The following LRMDA variants were observed in gnomAD, a reference collection of about 807,000 sequenced individuals.
The protein encoded by LRMDA is leucine rich melanocyte differentiation associated, also known as leucine-rich melanocyte differentiation-associated protein.
In LRMDA, 18 loss-of-function variants were observed where a neutral mutation model predicts 29.8. The observed-to-expected ratio is 0.60, with a 90% confidence interval of 0.42 to 0.90. LRMDA has a LOEUF of 0.90. LRMDA is among the 40% of genes least tolerant of loss of function. LRMDA has a pLI of 0.00. For missense variants in LRMDA, 273 were observed against 273.9 expected (o/e 1.00, Z 0.02); for synonymous variants, 125 against 109.4 (o/e 1.14, Z -0.89).
chr10:75,670,328 G>A (rs911187422), intron 2 of LRMDA, among the ~76,000 whole-genome samples: 8 of 152,160 alleles, frequency 5.3e-5, no homozygotes, highest in African/African-American at 1.9e-4. Context: ...GATGCAGAAC[G>A]GCACAAAGGG....
At chr10:76,520,842 C>A (rs1217950254) in intron 6 of LRMDA, among the ~76,000 whole-genome samples, 2 of 152,000 alleles carry the variant, frequency 1.3e-5, no homozygotes, top group African/African-American at 4.8e-5. Flanking sequence ...TCTTTAAGGC[C>A]AAACTCTAGC....
chr10:76,531,202 C>T (rs10824421), intron 6 of LRMDA, among the ~76,000 whole-genome samples: 2,316 of 152,016 alleles, frequency 0.015, 23 homozygotes, highest in African/African-American at 0.037. Context: ...GAGACCAGCC[C>T]CTGTGCTGAA....
At chr10:75,730,286 G>A (rs1564551646) in intron 2 of LRMDA, among the ~76,000 whole-genome samples, 1 of 152,090 alleles carries the variant, frequency 6.6e-6, no homozygotes, top group Admixed American at 6.5e-5. Flanking sequence ...GCTCTATAGA[G>A]CACTGACTTT....
intron 2 of LRMDA, among the ~76,000 whole-genome samples, chr10:75,947,274 T>C (rs1230817470): frequency 2.0e-5 from 3 of 152,186 alleles, no homozygotes; most frequent in Non-Finnish European, 4.4e-5. Context: ...CTGGCCTTTT[T>C]CTTTGGGTGA....
intron 6 of LRMDA, among the ~76,000 whole-genome samples, chr10:76,443,984 A>T (rs961197149): frequency 6.6e-6 from 1 of 152,140 alleles, no homozygotes; most frequent in African/African-American, 2.4e-5. Flanking sequence ...AGAAAGCCCC[A>T]TGGAAGGCTG....
intron 2 of LRMDA, among the ~76,000 whole-genome samples, chr10:75,603,319 T>A (rs926278727): frequency 2.0e-5 from 3 of 152,182 alleles, no homozygotes; most frequent in Admixed American, 6.5e-5. Context: ...AGGTACTTTT[T>A]AAAATAGTTC....
intron 5 of LRMDA, among the ~76,000 whole-genome samples, chr10:76,181,736 G>A (rs1851053813): frequency 6.6e-6 from 1 of 152,164 alleles, no homozygotes; most frequent in African/African-American, 2.4e-5. Flanking sequence ...CAGATAACAG[G>A]AGAATGAGAA....
intron 2 of LRMDA, among the ~76,000 whole-genome samples, chr10:75,704,218 T>C (rs1413096573): frequency 6.6e-6 from 1 of 152,216 alleles, no homozygotes; most frequent in Non-Finnish European, 1.5e-5. Context: ...ATCATTTTCT[T>C]AGTGGGATTC....
At chr10:75,570,623 G>T (rs1447843664) in intron 2 of LRMDA, among the ~76,000 whole-genome samples, 1 of 152,178 alleles carries the variant, frequency 6.6e-6, no homozygotes, top group East Asian at 1.9e-4. Context: ...TTTAACAGTG[G>T]GGTTTTTAGT....
At chr10:76,473,614 C>A (rs1842639569) in intron 6 of LRMDA, among the ~76,000 whole-genome samples, 1 of 84,086 alleles carries the variant, frequency 1.2e-5, no homozygotes, top group Admixed American at 1.2e-4. Context: ...TCTAAGGATT[C>A]TGCTAAAAAA....
chr10:76,245,378 T>C (rs1852355890), intron 5 of LRMDA, among the ~76,000 whole-genome samples: 1 of 152,050 alleles, frequency 6.6e-6, no homozygotes, highest in Non-Finnish European at 1.5e-5. Context: ...CATGGCCCTG[T>C]TATAAGGTAG....
intron 5 of LRMDA, among the ~76,000 whole-genome samples, chr10:76,219,748 G>A (rs577244930): frequency 6.6e-6 from 1 of 152,230 alleles, no homozygotes; most frequent in South Asian, 2.1e-4. Context: ...ATTGAACTCA[G>A]CTCTGCACCA....
chr10:76,309,835 C>G (rs894033770), intron 5 of LRMDA, among the ~76,000 whole-genome samples: 1 of 152,182 alleles, frequency 6.6e-6, no homozygotes, highest in African/African-American at 2.4e-5. Flanking sequence ...TTACTGACAT[C>G]CTATCTGCAT....
At position 75,438,444 on chromosome 10, in the gene LRMDA, G is replaced by A; in HGVS notation, c.81G>A (p.Arg27=). ...GAGAAATTCCAGAGCACCTTGGCAG[G>A]GACTGTGGACATTTCGCAAAGAGGC... ...DCREIPEHLG[R]DCGHFAKRLD... The change falls in exon 2 of 7, where the codon AGG becomes AGA. Residue 27 remains arginine (R), a synonymous_variant. Transcript: ENST00000611255. The A allele has an allele frequency of 6.4e-7, 1 of 1,550,960 alleles. No individual in the cohort carries two copies. The highest frequency in any genetic ancestry group is 8.7e-7 in the Non-Finnish European group (1 of 1,147,080).
At chr10:75,550,190 A>G (rs982130682) in intron 2 of LRMDA, among the ~76,000 whole-genome samples, 1 of 152,154 alleles carries the variant, frequency 6.6e-6, no homozygotes, top group Non-Finnish European at 1.5e-5. Flanking sequence ...GGAATCGTCT[A>G]TAGATGTCAG....
chr10:76,169,191 G>T (rs1850791633), intron 5 of LRMDA, among the ~76,000 whole-genome samples: 1 of 152,138 alleles, frequency 6.6e-6, no homozygotes, highest in Non-Finnish European at 1.5e-5. Context: ...TTGCTGATAG[G>T]ATTCTTCGGC....
intron 2 of LRMDA, among the ~76,000 whole-genome samples, chr10:75,583,572 C>G (rs1840620272): frequency 6.6e-6 from 1 of 152,144 alleles, no homozygotes; most frequent in South Asian, 2.1e-4. Context: ...CCTATCAGGC[C>G]TCACCTCCAG....
chr10:76,123,691 GT>G (rs908257970), intron 5 of LRMDA, among the ~76,000 whole-genome samples: 8 of 152,204 alleles, frequency 5.3e-5, no homozygotes, highest in Non-Finnish European at 1.0e-4. Flanking sequence ...TATATAATCT[GT>G]GAAGGAATTC....
At chr10:76,200,998 T>G (rs7478625) in intron 5 of LRMDA, among the ~76,000 whole-genome samples, 6,753 of 151,394 alleles carry the variant, frequency 0.045, 502 homozygotes, top group African/African-American at 0.15. Context: ...ATTACAGGCG[T>G]GAGCCACCAT....
Sources: gnomAD v4.1 joint callset for allele counts (sites outside exome capture counted in the v4.1 genomes callset) on GRCh38, gnomAD v4.1.1 for gene constraint, MANE v1.5 for transcripts, NCBI Gene and HGNC (gene_info 2026-07-23, HGNC 2026-07-21) for gene names.